The following PITPNM2 variants were observed in gnomAD, a reference collection of about 807,000 sequenced individuals.
PITPNM2 encodes phosphatidylinositol transfer protein membrane associated 2, also known as membrane-associated phosphatidylinositol transfer protein 2.
In PITPNM2, 35 loss-of-function variants were observed where a neutral mutation model predicts 132.2. That is an observed-to-expected ratio of 0.26 (90% CI 0.20 to 0.35). The LOEUF is 0.35. PITPNM2 is among the 10% of genes least tolerant of loss of function. The probability of loss-of-function intolerance (pLI) is 1.00; values close to 1 mark genes in which losing one functional copy is unlikely to be tolerated. For synonymous variants in PITPNM2, 738 were observed against 799.2 expected, an observed-to-expected ratio of 0.92 and a Z score of 1.29; for missense variants, 1,332 against 1,912.0, an observed-to-expected ratio of 0.70 and a Z score of 5.66.
chr12:123,098,020 G>A (rs1371892142), intron 2 of PITPNM2, among the ~76,000 whole-genome samples: 1 of 152,264 alleles, frequency 6.6e-6, no homozygotes, highest in Non-Finnish European at 1.5e-5. Context: ...CCTGACGTCA[G>A]TGTGCTAATC....
intron 1 of PITPNM2, among the ~76,000 whole-genome samples, chr12:123,113,517 T>C (rs888540244): frequency 1.3e-5 from 2 of 152,102 alleles, no homozygotes; most frequent in African/African-American, 4.8e-5. Context: ...CTGGGCAACA[T>C]AGTGAGACCC....
intron 1 of PITPNM2, among the ~76,000 whole-genome samples, chr12:123,118,460 A>G (rs2042971070): frequency 6.6e-6 from 1 of 152,278 alleles, no homozygotes; most frequent in African/African-American, 2.4e-5. Context: ...ATTGAGAACA[A>G]TCTAAAAGCA....
intron 1 of PITPNM2, among the ~76,000 whole-genome samples, chr12:123,110,757 C>G (rs1184419959): frequency 2.0e-5 from 3 of 152,180 alleles, no homozygotes; most frequent in Non-Finnish European, 4.4e-5. Flanking sequence ...GAACTGAGAC[C>G]ACCAGCACAC....
intron 2 of PITPNM2, among the ~76,000 whole-genome samples, chr12:123,062,987 G>A (rs185156989): frequency 6.6e-5 from 10 of 152,338 alleles, no homozygotes; most frequent in Middle Eastern, 3.4e-3. Flanking sequence ...AGTCACACAC[G>A]AAAGCAAATG....
chr12:123,109,155 T>G (rs2042783241), intron 2 of PITPNM2, among the ~76,000 whole-genome samples: 1 of 152,196 alleles, frequency 6.6e-6, no homozygotes, highest in Non-Finnish European at 1.5e-5. Context: ...ACCTCAGCTT[T>G]GCTAGCTTCC....
chr12:122,989,231 A>G (rs540838189), intron 18 of PITPNM2, among the ~76,000 whole-genome samples: 72 of 152,104 alleles, frequency 4.7e-4, no homozygotes, highest in African/African-American at 1.4e-3. Context: ...CTGTTCTCCT[A>G]TCTTCCCCCA....
chr12:123,057,294 C>T (rs990942202), intron 2 of PITPNM2, among the ~76,000 whole-genome samples: 4 of 151,140 alleles, frequency 2.6e-5, no homozygotes, highest in Non-Finnish European at 4.4e-5. Flanking sequence ...GCAGGAGAAT[C>T]GCTTGAACCC....
intron 2 of PITPNM2, among the ~76,000 whole-genome samples, chr12:123,100,975 C>T (rs2042549949): frequency 6.6e-6 from 1 of 152,236 alleles, no homozygotes; most frequent in South Asian, 2.1e-4. Flanking sequence ...CACACATACC[C>T]CACACTGACA....
At chr12:123,066,989 G>T (rs1237865262) in intron 2 of PITPNM2, among the ~76,000 whole-genome samples, 1 of 152,112 alleles carries the variant, frequency 6.6e-6, no homozygotes, top group African/African-American at 2.4e-5. Context: ...GCAAGGGGTT[G>T]AATAGTGCAG....
intron 2 of PITPNM2, among the ~76,000 whole-genome samples, chr12:123,067,575 G>A (rs1367850104): frequency 6.6e-6 from 1 of 152,120 alleles, no homozygotes; most frequent in Non-Finnish European, 1.5e-5. Context: ...CTGCAGTGAT[G>A]CAGCCACAAG....
At chr12:123,127,633 G>A (rs1197805512) in intron 1 of PITPNM2, among the ~76,000 whole-genome samples, 1 of 141,364 alleles carries the variant, frequency 7.1e-6, no homozygotes, top group Non-Finnish European at 1.5e-5. Flanking sequence ...TTTTTGAGAC[G>A]GAGTCTCGCT....
At chr12:123,043,644 G>A (rs186416158) in intron 2 of PITPNM2, among the ~76,000 whole-genome samples, 203 of 152,360 alleles carry the variant, frequency 1.3e-3, no homozygotes, top group African/African-American at 4.6e-3. Flanking sequence ...CGTGGGGCTT[G>A]CAGTGCTCTG....
chr12:123,000,960 T>A lies in PITPNM2; in HGVS notation c.1153+94A>T. 2 of 1,529,294 alleles carry A rather than the reference T, an allele frequency of 1.3e-6. No individual in the cohort carries two copies. The highest frequency in any genetic ancestry group is 4.5e-5 in the East Asian group (2 of 44,398). 94.7% of individuals were successfully genotyped at this position (1,529,294 alleles called of 1,614,324 possible). ...CTTGGGGGTCCCCAACTCACATGTA[T>A]GCCCAGCACTGTGCAGAAGCTGGTC... On this transcript the variant is annotated intron_variant, in intron 9 of 25. Coordinates refer to ENST00000320201, the MANE Select transcript of PITPNM2 (RefSeq NM_020845.3). The surrounding 1 kb of genome is among the most constrained non-coding windows in gnomAD (Gnocchi z 5.4).
chr12:123,053,265 T>C (rs2040920048), intron 2 of PITPNM2, among the ~76,000 whole-genome samples: 1 of 152,252 alleles, frequency 6.6e-6, no homozygotes, highest in Non-Finnish European at 1.5e-5. Context: ...GACTTGTCTC[T>C]GAATAAATTA....
rs946472486 is a variant in PITPNM2, at chr12:123,109,876, G to A, written c.-96+509C>T. Among the ~76,000 whole-genome samples, 8 of 152,284 alleles carry A rather than the reference G, an allele frequency of 5.3e-5. No homozygotes were observed. The East Asian group carries it at 1.3e-3, about 26-fold the overall frequency. On this transcript the variant is annotated intron_variant, in intron 2 of 25. Transcript: ENST00000320201. ...ACCAGAGGCAGAACATCGGTCTTTC[G>A]TATTTAGTGAAAAGAAGTCAATATT... is the stretch of plus-strand genomic sequence containing the variant.
In PITPNM2 at chr12:123,005,683, C is replaced by G. The variant is rs905522876; in HGVS notation, c.644-135G>C. 1 of 771,050 alleles carries G rather than the reference C, an allele frequency of 1.3e-6. No individual in the cohort carries two copies. 47.8% of individuals were successfully genotyped at this position (771,050 alleles called of 1,614,324 possible). On this transcript the variant is annotated intron_variant, in intron 6 of 25. Coordinates refer to ENST00000320201, the MANE Select transcript of PITPNM2 (RefSeq NM_020845.3). This position sits in a 1 kb window ranked among gnomAD's most constrained non-coding sequence, Gnocchi z 6.2. ...TTGCAGGTCAAACTAAAGTCACTGC[C>G]TGTCTGTGCCTCAGTTTCCCCATTT...
intron 8 of PITPNM2, 31 bp from the exon 9 acceptor site, chr12:123,001,189 A>AC (rs777557628): frequency 6.3e-7 from 1 of 1,578,190 alleles, no homozygotes; most frequent in East Asian, 2.2e-5. Flanking sequence ...CTCAGGTGGG[A>AC]CTGGGAACGC....
intron 2 of PITPNM2, among the ~76,000 whole-genome samples, chr12:123,041,216 G>C (rs191555592): frequency 1.3e-5 from 2 of 152,350 alleles, no homozygotes; most frequent in African/African-American, 4.8e-5. Context: ...TGATGCACAT[G>C]AAGTGCTCAG....
intron 1 of PITPNM2, among the ~76,000 whole-genome samples, chr12:123,149,149 T>A (rs1352136083): frequency 6.6e-6 from 1 of 152,140 alleles, no homozygotes; most frequent in East Asian, 1.9e-4. Context: ...TAGCAAGTTA[T>A]GGGAAAAGCC....
Sources: allele counts gnomAD v4.1 joint callset (sites outside exome capture counted in the v4.1 genomes callset), GRCh38; gene constraint gnomAD v4.1.1; non-coding constraint Gnocchi (gnomAD v3.1); transcripts MANE v1.5; gene names NCBI Gene and HGNC (gene_info 2026-07-23, HGNC 2026-07-21).